Variants in PTER observed in about 807,000 individuals in gnomAD.
PTER encodes N-acetyltaurine hydrolase.
PTER carries 38 observed loss-of-function variants against 29.6 expected under a neutral mutation model. The ratio of observed to expected loss-of-function variants is 1.28; its 90% CI spans 0.99 to 1.68. The LOEUF is 1.68. PTER is among the 40% of genes most tolerant of loss of function. PTER has a pLI of 0.00. For missense variants in PTER, 482 were observed against 427.8 expected (o/e 1.13, Z -1.12); for synonymous variants, 172 against 154.5 (o/e 1.11, Z -0.84).
At chr10:16,442,642 G>A (rs1833886869) in intron 1 of PTER, among the ~76,000 whole-genome samples, 1 of 152,044 alleles carries the variant, frequency 6.6e-6, no homozygotes, top group South Asian at 2.1e-4. Context: ...ACTTGCATGT[G>A]CCTGGCCAGC....
intron 4 of PTER, 53 bp downstream of exon 4, chr10:16,505,213 T>G: frequency 2.5e-6 from 4 of 1,591,016 alleles, no homozygotes; most frequent in Non-Finnish European, 3.4e-6. Context: ...CCTTTTTGAT[T>G]GTCATATCTA....
At chr10:16,496,772 A>G (rs1483177405) in intron 3 of PTER, among the ~76,000 whole-genome samples, 1 of 152,120 alleles carries the variant, frequency 6.6e-6, no homozygotes, top group Non-Finnish European at 1.5e-5. Context: ...GGCTGATTGC[A>G]AGTAGGTGAT....
chr10:16,514,292 C>T (rs575717466), downstream of PTER: 73 of 560,590 alleles, frequency 1.3e-4, 2 homozygotes, highest in South Asian at 3.7e-4. Context: ...TGGACACTAA[C>T]GATAAGGAGT....
At chr10:16,473,519 GAAAAAAAAAAA>G (rs72001271) in intron 1 of PTER, among the ~76,000 whole-genome samples, 14 of 28,166 alleles carry the variant, frequency 5.0e-4, no homozygotes, top group East Asian at 1.4e-3. Flanking sequence ...GACTCCATCC[GAAAAAAAAAAA>G]AAAAAAAAAA....
At chr10:16,468,448 T>G (rs1834925088) in intron 1 of PTER, among the ~76,000 whole-genome samples, 1 of 152,194 alleles carries the variant, frequency 6.6e-6, no homozygotes, top group Non-Finnish European at 1.5e-5. Context: ...CTAATTCCAC[T>G]TCTATTTATA....
intron 4 of PTER, among the ~76,000 whole-genome samples, chr10:16,507,663 T>G (rs527341115): frequency 1.3e-5 from 2 of 152,346 alleles, no homozygotes; most frequent in South Asian, 4.1e-4. Flanking sequence ...GCTTCAAGTT[T>G]AGTATCATTA....
chr10:16,440,790 C>T (rs934948872), intron 1 of PTER, among the ~76,000 whole-genome samples: 4 of 152,210 alleles, frequency 2.6e-5, no homozygotes, highest in South Asian at 2.1e-4. Context: ...TAGACGTATT[C>T]GATGAGCTAG....
chr10:16,502,780 G>A (rs192824319), intron 3 of PTER, among the ~76,000 whole-genome samples: 195 of 152,072 alleles, frequency 1.3e-3, no homozygotes, highest in African/African-American at 4.5e-3. Flanking sequence ...CCTGAGGTCA[G>A]GAGTTCAAGA....
At chr10:16,438,024 T>A (rs984869314) in intron 1 of PTER, among the ~76,000 whole-genome samples, 2 of 152,180 alleles carry the variant, frequency 1.3e-5, no homozygotes, top group Non-Finnish European at 2.9e-5. Flanking sequence ...TTGCTTTTTT[T>A]AAAGACAGAG....
At chr10:16,458,345 T>C (rs1834488467) in intron 1 of PTER, among the ~76,000 whole-genome samples, 1 of 152,194 alleles carries the variant, frequency 6.6e-6, no homozygotes. Flanking sequence ...TAAAATGCTC[T>C]TACAATGTCA....
chr10:16,509,413 G>T (rs1023196672), intron 4 of PTER, among the ~76,000 whole-genome samples: 11 of 152,110 alleles, frequency 7.2e-5, no homozygotes, highest in African/African-American at 2.7e-4. Flanking sequence ...TGTGTTTCAA[G>T]GTCTGACAAA....
intron 1 of PTER, among the ~76,000 whole-genome samples, chr10:16,457,272 G>A (rs2133384401): frequency 6.6e-6 from 1 of 152,164 alleles, no homozygotes; most frequent in South Asian, 2.1e-4. Flanking sequence ...GAGTGCAGTG[G>A]CGCGATCTCG....
intron 1 of PTER, among the ~76,000 whole-genome samples, chr10:16,477,054 C>T (rs1432988473): frequency 6.6e-6 from 1 of 152,030 alleles, no homozygotes; most frequent in Non-Finnish European, 1.5e-5. Flanking sequence ...TATAGGCACA[C>T]ATCACCATGC....
chr10:16,469,125 G>C (rs745851686), intron 1 of PTER, among the ~76,000 whole-genome samples: 1 of 152,164 alleles, frequency 6.6e-6, no homozygotes, highest in East Asian at 1.9e-4. Context: ...TAGGAAGAGT[G>C]CTGAAGGCCG....
intron 1 of PTER, among the ~76,000 whole-genome samples, chr10:16,483,950 G>A (rs1448838300): frequency 6.6e-6 from 1 of 152,152 alleles, no homozygotes; most frequent in Non-Finnish European, 1.5e-5. Context: ...TAGTTTGGAT[G>A]TAAGTTATTG....
chr10:16,463,905 A>G (rs1262587879), intron 1 of PTER, among the ~76,000 whole-genome samples: 2 of 152,212 alleles, frequency 1.3e-5, no homozygotes, highest in Admixed American at 6.5e-5. Flanking sequence ...CCTTGTCTCA[A>G]TAATAACCCC....
At chr10:16,515,098 A>T (rs980368464), downstream of PTER, among the ~76,000 whole-genome samples, 4 of 152,116 alleles carry the variant, frequency 2.6e-5, no homozygotes, top group Admixed American at 1.3e-4. Context: ...GCAATATTCT[A>T]ATCAGCTGTT....
chr10:16,458,279 T>G (rs575196242), intron 1 of PTER, among the ~76,000 whole-genome samples: 1 of 152,130 alleles, frequency 6.6e-6, no homozygotes, highest in East Asian at 1.9e-4. Flanking sequence ...ATTAATCTTA[T>G]GTGGTAATGC....
At chr10:16,443,765 A>C (rs1237863354) in intron 1 of PTER, among the ~76,000 whole-genome samples, 1 of 152,196 alleles carries the variant, frequency 6.6e-6, no homozygotes, top group Non-Finnish European at 1.5e-5. Flanking sequence ...TATTTTTACC[A>C]AAAATTTCCT....
Sources: gnomAD v4.1 joint callset for allele counts (sites outside exome capture counted in the v4.1 genomes callset) on GRCh38, gnomAD v4.1.1 for gene constraint, MANE v1.5 for transcripts, NCBI Gene and HGNC (gene_info 2026-07-23, HGNC 2026-07-21) for gene names.